Variants in TBC1D32 observed in about 807,000 individuals in gnomAD.
TBC1D32 encodes the protein protein broad-minded.
TBC1D32 carries 151 observed loss-of-function variants against 170.3 expected under a neutral mutation model. The observed-to-expected ratio is 0.89, with a 90% CI of 0.78 to 1.01. TBC1D32 has a LOEUF of 1.01. Among genes scored for constraint, TBC1D32 ranks in the 50% least tolerant of loss-of-function variants. The pLI is 0.00. For synonymous variants in TBC1D32, 498 were observed against 488.0 expected (o/e 1.02, Z -0.27); for missense variants, 1,464 against 1,457.1 (o/e 1.00, Z -0.08).
intron 23 of TBC1D32, 102 bp from the exon 24 acceptor site, chr6:121,160,205 T>C (rs893434473): frequency 1.1e-5 from 8 of 761,038 alleles, no homozygotes; most frequent in Middle Eastern, 7.1e-4. Flanking sequence ...CTTTTCTTGC[T>C]CATAAATTCT....
intron 17 of TBC1D32, among the ~76,000 whole-genome samples, chr6:121,244,153 T>C (rs746344094): frequency 3.9e-5 from 6 of 152,006 alleles, no homozygotes; most frequent in Non-Finnish European, 8.8e-5. Flanking sequence ...GGAAAACAAT[T>C]ACTTTTAAAT....
At chr6:121,302,496 G>T (rs958754779) in intron 9 of TBC1D32, among the ~76,000 whole-genome samples, 2 of 151,510 alleles carry the variant, frequency 1.3e-5, no homozygotes, top group Admixed American at 1.3e-4. Context: ...AATGTCAAAT[G>T]AAAAAAAGTT....
intron 22 of TBC1D32, among the ~76,000 whole-genome samples, chr6:121,198,690 G>A (rs1433498168): frequency 6.6e-6 from 1 of 151,120 alleles, no homozygotes; most frequent in Non-Finnish European, 1.5e-5. Flanking sequence ...GGCGGAGCTT[G>A]CAGTGAGCCG....
chr6:121,198,007 G>A (rs563691108), intron 22 of TBC1D32, among the ~76,000 whole-genome samples: 3 of 151,694 alleles, frequency 2.0e-5, no homozygotes, highest in Non-Finnish European at 2.9e-5. Context: ...TTTCTCCTGC[G>A]CTGGATGCTT....
chr6:121,208,035 G>C (rs1345376579), intron 21 of TBC1D32, among the ~76,000 whole-genome samples: 1 of 151,444 alleles, frequency 6.6e-6, no homozygotes, highest in Admixed American at 6.6e-5. Flanking sequence ...TTTCAACATG[G>C]AAAAGTAGAG....
chr6:121,310,515 C>G (rs1808032152), intron 4 of TBC1D32, among the ~76,000 whole-genome samples: 1 of 152,176 alleles, frequency 6.6e-6, no homozygotes. Flanking sequence ...TGGGGGACAA[C>G]TGCCTATAAC....
Position 121,239,158 on chromosome 6 carries a change from C to T in TBC1D32, c.2276G>A (p.Trp759Ter). 6.3e-7 allele frequency: 1 copy of T among 1,598,998 alleles called. No homozygotes were observed. The highest frequency in any genetic ancestry group is 1.7e-5 in the Admixed American group (1 of 59,892). ...GFINELITEL[W>*]SNLEYGRDDV... ...ATCTCTTCCATATTCCAGATTGGAC[C>T]ATAATTCAGTTATAAGTTCATTAAT... The change falls in exon 20 of 32, where the codon TGG becomes TAG. Residue 759 changes from tryptophan to a stop codon, truncating the protein, a stop_gained. Coordinates refer to ENST00000398212, the MANE Select transcript of TBC1D32 (RefSeq NM_152730.6). LOFTEE classifies it high-confidence loss of function.
intron 9 of TBC1D32, among the ~76,000 whole-genome samples, chr6:121,302,451 C>A (rs2128476954): frequency 6.6e-6 from 1 of 151,960 alleles, no homozygotes; most frequent in South Asian, 2.1e-4. Flanking sequence ...TAAATTTGTA[C>A]CCCGTTATCT....
At chr6:121,280,887 G>A (rs1802896313) in intron 14 of TBC1D32, among the ~76,000 whole-genome samples, 1 of 151,736 alleles carries the variant, frequency 6.6e-6, no homozygotes, top group African/African-American at 2.4e-5. Context: ...TTAACCTATT[G>A]ATAAGCCTTA....
At chr6:121,301,456 G>C (rs117595934) in intron 9 of TBC1D32, among the ~76,000 whole-genome samples, 1 of 151,988 alleles carries the variant, frequency 6.6e-6, no homozygotes, top group Non-Finnish European at 1.5e-5. Context: ...CAAACACAGC[G>C]TGTTCTCACT....
rs193142239 is a variant in TBC1D32 at position 121,254,940 on chromosome 6, C to T, written c.2018+388G>A. Among the ~76,000 whole-genome samples, 36 of 152,036 alleles carry T rather than the reference C, an allele frequency of 2.4e-4. 1 individual carries two copies. Among genetic ancestry groups the T allele is most frequent in the Admixed American group, 1.8e-3 (27 of 15,278 alleles). ...CCAAAACCTAACTGAAATGTACTCC[C>T]ACCACTTTTAGAAAAATAATATTTT... On this transcript the variant is annotated intron_variant, in intron 17 of 31. Coordinates refer to ENST00000398212, the MANE Select transcript of TBC1D32 (RefSeq NM_152730.6).
intron 22 of TBC1D32, among the ~76,000 whole-genome samples, chr6:121,183,391 T>C (rs1221834267): frequency 6.6e-6 from 1 of 152,128 alleles, no homozygotes; most frequent in Non-Finnish European, 1.5e-5. Flanking sequence ...GTTTGTTTGC[T>C]TGCAGCAAAG....
chr6:121,136,924 T>C (rs1480302365), intron 24 of TBC1D32, among the ~76,000 whole-genome samples: 1 of 152,140 alleles, frequency 6.6e-6, no homozygotes, highest in Non-Finnish European at 1.5e-5. Flanking sequence ...TGAGCAGTTA[T>C]AGTTCATAAT....
chr6:121,100,573 A>G (rs1204537900), intron 30 of TBC1D32, among the ~76,000 whole-genome samples: 2 of 152,110 alleles, frequency 1.3e-5, no homozygotes, highest in African/African-American at 4.8e-5. Context: ...AATCTCTGGG[A>G]CACATTTAAA....
At chr6:121,253,264 A>C (rs1202452872) in intron 17 of TBC1D32, among the ~76,000 whole-genome samples, 3 of 152,184 alleles carry the variant, frequency 2.0e-5, no homozygotes, top group Admixed American at 6.5e-5. Context: ...AAGAAAACAA[A>C]AAACAAATAA....
At chr6:121,180,213 T>C (rs576025176) in intron 22 of TBC1D32, among the ~76,000 whole-genome samples, 52 of 152,238 alleles carry the variant, frequency 3.4e-4, no homozygotes, top group African/African-American at 1.2e-3. Flanking sequence ...TCTCAGCGAC[T>C]TGGTTTATGT....
intron 21 of TBC1D32, among the ~76,000 whole-genome samples, chr6:121,216,496 C>A (rs554295875): frequency 6.6e-6 from 1 of 152,260 alleles, no homozygotes; most frequent in South Asian, 2.1e-4. Context: ...GGTTGGAATT[C>A]TTTCATTGGT....
At chr6:121,202,491 T>C (rs1411964706) in intron 22 of TBC1D32, among the ~76,000 whole-genome samples, 1 of 151,212 alleles carries the variant, frequency 6.6e-6, no homozygotes, top group African/African-American at 2.5e-5. Context: ...GCAGGATGAA[T>C]AGTTCTGACA....
intron 15 of TBC1D32, among the ~76,000 whole-genome samples, chr6:121,259,958 G>A (rs937446747): frequency 1.3e-5 from 2 of 152,044 alleles, no homozygotes; most frequent in East Asian, 1.9e-4. Context: ...GGATTCAATC[G>A]AAGTTTATAT....
Sources: allele counts gnomAD v4.1 joint callset (sites outside exome capture counted in the v4.1 genomes callset), GRCh38; gene constraint gnomAD v4.1.1; transcripts MANE v1.5; gene names NCBI Gene and HGNC (gene_info 2026-07-23, HGNC 2026-07-21).